SLCO3A1: variants seen among roughly 807,000 people sequenced by gnomAD.
The protein encoded by SLCO3A1 is PGE1 transporter.
SLCO3A1 carries 27 observed loss-of-function variants against 63.1 expected under a neutral mutation model. The ratio of observed to expected loss-of-function variants is 0.43; its 90% confidence interval spans 0.32 to 0.59. SLCO3A1 has a LOEUF of 0.59. Among genes scored for constraint, SLCO3A1 ranks in the 20% least tolerant of loss-of-function variants. The pLI, the probability that SLCO3A1 is intolerant of heterozygous loss-of-function variation, is 0.09. For synonymous variants in SLCO3A1, 473 were observed against 409.9 expected (o/e 1.15, Z -1.86); for missense variants, 773 against 945.8 (o/e 0.82, Z 2.40).
rs139844309 is a variant in SLCO3A1, at chr15:91,903,531, C to G, written c.181-12462C>G. ...GGGGAGCTGTGGGAGAGCAGGGGGT[C>G]TTATGGTGTGTACTCACCAACCTCA... is the stretch of plus-strand genomic sequence containing the variant. On this transcript the variant is annotated intron_variant, in intron 1 of 9. Transcript: ENST00000318445. 2.7e-3 allele frequency among the ~76,000 whole-genome samples: 414 copies of G among 152,226 alleles called. 6 individuals are homozygous for G. The highest frequency in any genetic ancestry group is 9.6e-3 in the African/African-American group (399 of 41,546).
intron 7 of SLCO3A1, among the ~76,000 whole-genome samples, chr15:92,143,937 G>GGGA (rs2048185256): frequency 1.3e-5 from 2 of 152,184 alleles, no homozygotes; most frequent in South Asian, 4.1e-4. Flanking sequence ...CTGCGATGTG[G>GGGA]GGAGCCACGT....
chr15:91,948,550 G>A lies in SLCO3A1; in HGVS notation c.646+32092G>A, dbSNP rs1323642252. ...AGGAAGTGCAAGTCAGGAGAGGGCCGAATGTGCACGAGACTCTGCAGGAAG... is the reference window on the plus strand; with the variant it reads ...AGGAAGTGCAAGTCAGGAGAGGGCCAAATGTGCACGAGACTCTGCAGGAAG... On this transcript the variant is annotated intron_variant, in intron 2 of 9. Transcript: ENST00000318445. The surrounding 1 kb of genome is among the most constrained non-coding windows in gnomAD (Gnocchi z 4.8). Among the ~76,000 whole-genome samples the A allele has an allele frequency of 1.3e-5, 2 of 152,208 alleles. No individual in the cohort carries two copies. The highest frequency in any genetic ancestry group is 4.8e-5 in the African/African-American group (2 of 41,444).
rs1897945074 is a variant in SLCO3A1, at chr15:91,894,177, T to G, written c.181-21816T>G. On this transcript the variant is annotated intron_variant, in intron 1 of 9. Transcript: ENST00000318445. The surrounding 1 kb of genome is among the most constrained non-coding windows in gnomAD (Gnocchi z 4.8). ...TCTGTTTGCAGAACAGCAAGGCAAC[T>G]GGTGTGGTTTGAATGGTAAACATAT... Among the ~76,000 whole-genome samples the G allele has an allele frequency of 6.6e-6, 1 of 151,540 alleles. No individual in the cohort carries two copies. Among genetic ancestry groups the G allele is most frequent in the Admixed American group, 6.6e-5 (1 of 15,210 alleles).
At chr15:91,976,674 A>C (rs899002596) in intron 2 of SLCO3A1, among the ~76,000 whole-genome samples, 10 of 152,154 alleles carry the variant, frequency 6.6e-5, no homozygotes, top group African/African-American at 2.4e-4. Context: ...TTGAGAAATA[A>C]AGGGACAGAG....
intron 1 of SLCO3A1, among the ~76,000 whole-genome samples, chr15:91,884,467 G>A (rs530923948): frequency 6.7e-6 from 1 of 148,916 alleles, no homozygotes; most frequent in African/African-American, 2.5e-5. Flanking sequence ...AGCCGAGATC[G>A]CGTCACTGCG....
chr15:91,867,524 A>G (rs1897194886), intron 1 of SLCO3A1, among the ~76,000 whole-genome samples: 1 of 150,998 alleles, frequency 6.6e-6, no homozygotes, highest in Admixed American at 6.6e-5. Context: ...TTTTTTTTTA[A>G]ATAAAACCAC....
chr15:91,977,755 T>G (rs1901175006), intron 2 of SLCO3A1, among the ~76,000 whole-genome samples: 1 of 152,128 alleles, frequency 6.6e-6, no homozygotes, highest in Admixed American at 6.5e-5. Flanking sequence ...CTATCAAAAG[T>G]TTTTATTTTG....
downstream of SLCO3A1, among the ~76,000 whole-genome samples, chr15:92,170,480 G>T (rs9744294): frequency 0.35 from 52,596 of 152,000 alleles, 9,549 homozygotes; most frequent in African/African-American, 0.45. Flanking sequence ...AAATCCAACC[G>T]TTCTAAGATC....
At chr15:91,871,764 G>GTTTTTTTTTTTTTTTTTTTT (rs1368889555) in intron 1 of SLCO3A1, among the ~76,000 whole-genome samples, 1 of 35,330 alleles carries the variant, frequency 2.8e-5, no homozygotes. Context: ...GTTTTTTTTT[G>GTTTTTTTTTTTTTTTTTTTT]GTTTTTTTTT....
chr15:91,930,500 T>C (rs1008263768), intron 2 of SLCO3A1, among the ~76,000 whole-genome samples: 7 of 152,238 alleles, frequency 4.6e-5, no homozygotes, highest in African/African-American at 7.2e-5. Context: ...TGTGTATTAA[T>C]ATAATGCATA....
chr15:92,127,693 G>A (rs1247022477), intron 6 of SLCO3A1, among the ~76,000 whole-genome samples: 1 of 152,062 alleles, frequency 6.6e-6, no homozygotes, highest in Non-Finnish European at 1.5e-5. Flanking sequence ...CAGTTTGCTT[G>A]CTCTAGATAA....
chr15:92,163,189 T>A lies in SLCO3A1; in HGVS notation c.*54T>A. 1 of 1,413,988 alleles carries A rather than the reference T, an allele frequency of 7.1e-7. No individual in the cohort carries two copies. Among genetic ancestry groups the A allele is most frequent in the Non-Finnish European group, 9.2e-7 (1 of 1,087,820 alleles). The allele number at this position is 1,413,988 out of a possible 1,614,324, so 87.6% of individuals were successfully genotyped here. A position where few individuals can be genotyped will look rare whatever the true frequency, so the allele number is the denominator to read the frequency against. On this transcript the variant is annotated 3_prime_UTR_variant, in exon 10 of 10. Transcript: ENST00000318445. ...AGTAATCCAAGGGTCATTTTTTTCTTAAAAAAAGAAAAAAAGGTTCCAAAA... is the reference window on the plus strand; with the variant it reads ...AGTAATCCAAGGGTCATTTTTTTCTAAAAAAAAGAAAAAAAGGTTCCAAAA...
At chr15:92,044,858 T>C (rs1274139006) in intron 2 of SLCO3A1, among the ~76,000 whole-genome samples, 2 of 152,150 alleles carry the variant, frequency 1.3e-5, no homozygotes, top group African/African-American at 4.8e-5. Flanking sequence ...CTTCTAAGGT[T>C]GTCCCCATCC....
At chr15:91,927,564 A>G (rs139747784) in intron 2 of SLCO3A1, among the ~76,000 whole-genome samples, 47 of 152,130 alleles carry the variant, frequency 3.1e-4, no homozygotes, top group East Asian at 2.5e-3. Flanking sequence ...ACGGCCTCCT[A>G]TTTCGGGTGT....
chr15:92,056,139 G>C (rs75914295), intron 2 of SLCO3A1, among the ~76,000 whole-genome samples: 1 of 152,160 alleles, frequency 6.6e-6, no homozygotes, highest in South Asian at 2.1e-4. Flanking sequence ...TTGCAGGGGG[G>C]ACTTGAAGTC....
chr15:92,019,896 C>A (rs534359711), intron 2 of SLCO3A1, among the ~76,000 whole-genome samples: 1 of 152,076 alleles, frequency 6.6e-6, no homozygotes, highest in African/African-American at 2.4e-5. Context: ...TGCCCAGATA[C>A]GGAAGAGGAG....
chr15:92,058,067 G>A (rs1288385473), intron 2 of SLCO3A1, among the ~76,000 whole-genome samples: 2 of 152,170 alleles, frequency 1.3e-5, no homozygotes, highest in Non-Finnish European at 2.9e-5. Context: ...CGGGTAAGGG[G>A]TCAGCTGAAT....
chr15:91,944,011 C>G (rs1899714323), intron 2 of SLCO3A1, among the ~76,000 whole-genome samples: 1 of 152,178 alleles, frequency 6.6e-6, no homozygotes, highest in Non-Finnish European at 1.5e-5. Context: ...TCATTGGAAA[C>G]TTTTGAGCGT....
At position 92,164,192 on chromosome 15, in the gene SLCO3A1, TC is replaced by T; in HGVS notation, c.*1059del. ...ATGCTGGTTGCTTTTACTTTTTTTC[TC>T]CTTTTTTAATGCACCAAAAATATGT... On this transcript the variant is annotated 3_prime_UTR_variant, in exon 10 of 10. Coordinates refer to ENST00000318445, the MANE Select transcript of SLCO3A1 (RefSeq NM_013272.4). The T allele has an allele frequency of 1.0e-6, 1 of 985,342 alleles. No homozygotes were observed. The highest frequency in any genetic ancestry group is 5.2e-4 in the Middle Eastern group (1 of 1,914). The allele number at this position is 985,342 out of a possible 1,614,324, so 61.0% of individuals were successfully genotyped here.
Sources: gnomAD v4.1 joint callset for allele counts (sites outside exome capture counted in the v4.1 genomes callset) on GRCh38, gnomAD v4.1.1 for gene constraint, Gnocchi (gnomAD v3.1) non-coding constraint, MANE v1.5 for transcripts, NCBI Gene and HGNC (gene_info 2026-07-23, HGNC 2026-07-21) for gene names.